MARK1: variants seen among roughly 807,000 people sequenced by gnomAD.
The protein encoded by MARK1 is microtubule affinity regulating kinase 1.
Under a neutral mutation model 96.3 loss-of-function variants are expected in MARK1, and 40 were observed. The observed-to-expected ratio is 0.42, with a 90% CI of 0.32 to 0.54. The LOEUF (loss-of-function observed/expected upper bound fraction) is 0.54, where lower values mean the gene tolerates loss of function less well. Among genes scored for constraint, MARK1 ranks in the 20% least tolerant of loss-of-function variants. MARK1 has a pLI of 0.16. For synonymous variants in MARK1, 317 were observed against 341.2 expected, an observed-to-expected ratio of 0.93 and a Z score of 0.78; for missense variants, 719 against 984.6, an observed-to-expected ratio of 0.73 and a Z score of 3.61.
chr1:220,553,575 C>T (rs80281359), intron 1 of MARK1, among the ~76,000 whole-genome samples: 2,359 of 152,264 alleles, frequency 0.015, 33 homozygotes, highest in Middle Eastern at 0.044. Flanking sequence ...ATACCATTTG[C>T]ATTTATAGTG....
intron 1 of MARK1, among the ~76,000 whole-genome samples, chr1:220,560,841 A>G (rs2102775500): frequency 6.6e-6 from 1 of 152,356 alleles, no homozygotes; most frequent in South Asian, 2.1e-4. Flanking sequence ...TAAGCTGGGA[A>G]TACTGTACTC....
intron 9 of MARK1, chr1:220,625,839 C>T: frequency 6.5e-6 from 3 of 463,384 alleles, no homozygotes; most frequent in Non-Finnish European, 1.3e-5. Context: ...GAAGCCTCAC[C>T]AAATCTACTA....
intron 1 of MARK1, among the ~76,000 whole-genome samples, chr1:220,556,123 A>G (rs1193273793): frequency 6.6e-6 from 1 of 152,156 alleles, no homozygotes; most frequent in Non-Finnish European, 1.5e-5. Flanking sequence ...TAGGGACAGG[A>G]AATACGGTAT....
chr1:220,648,200 T>C (rs1668688575), intron 13 of MARK1, among the ~76,000 whole-genome samples: 1 of 152,140 alleles, frequency 6.6e-6, no homozygotes, highest in African/African-American at 2.4e-5. Flanking sequence ...ATATAAAATA[T>C]CACTTTACTG....
At chr1:220,581,405 A>G (rs1037958599) in intron 3 of MARK1, among the ~76,000 whole-genome samples, 46 of 152,150 alleles carry the variant, frequency 3.0e-4, no homozygotes, top group Non-Finnish European at 2.9e-5. Context: ...TGAAATATTC[A>G]AATATTTTGA....
Position 220,594,980 on chromosome 1 carries a change from G to A in MARK1, c.310-3351G>A, listed in dbSNP as rs147149020. Among the ~76,000 whole-genome samples, 5 of 152,284 alleles carry A rather than the reference G, an allele frequency of 3.3e-5. No individual in the cohort carries two copies. The East Asian group carries it at 9.7e-4, about 29-fold the overall frequency. On this transcript the variant is annotated intron_variant, in intron 3 of 17. Transcript: ENST00000366917. ...CCCATAGAATGTATAGTAGTAGCAA[G>A]AGTGAACAGTAATGTAAATGTGAAC...
intron 1 of MARK1, among the ~76,000 whole-genome samples, chr1:220,566,437 C>A (rs1276832195): frequency 1.3e-5 from 2 of 152,182 alleles, no homozygotes; most frequent in African/African-American, 4.8e-5. Context: ...GGATCTCCAT[C>A]TGCAGACCAG....
At chr1:220,599,485 C>T (rs984062822) in intron 4 of MARK1, among the ~76,000 whole-genome samples, 4 of 151,958 alleles carry the variant, frequency 2.6e-5, no homozygotes, top group Non-Finnish European at 1.5e-5. Flanking sequence ...TTTTAAACTT[C>T]AGTTTAAATT....
chr1:220,554,382 G>A (rs1432361372), intron 1 of MARK1, among the ~76,000 whole-genome samples: 2 of 152,222 alleles, frequency 1.3e-5, no homozygotes, highest in African/African-American at 2.4e-5. Flanking sequence ...AATGTTTGGA[G>A]ACATTTTTGG....
chr1:220,581,182 A>AC, intron 3 of MARK1, 64 bp downstream of exon 3: 1 of 534,858 alleles, frequency 1.9e-6, no homozygotes. Flanking sequence ...ATGTTCTGTA[A>AC]AATCAGTCAT....
At chr1:220,543,926 A>T (rs1661314052) in intron 1 of MARK1, among the ~76,000 whole-genome samples, 1 of 152,186 alleles carries the variant, frequency 6.6e-6, no homozygotes, top group South Asian at 2.1e-4. Flanking sequence ...TGTGATGATG[A>T]TGATTACATT....
intron 3 of MARK1, among the ~76,000 whole-genome samples, chr1:220,586,011 A>ACACGCACGCACG (rs112968910): frequency 2.7e-5 from 4 of 148,536 alleles, no homozygotes; most frequent in African/African-American, 7.7e-5. Flanking sequence ...ACACACACAC[A>ACACGCACGCACG]CGCGCGCGTG....
intron 1 of MARK1, among the ~76,000 whole-genome samples, chr1:220,558,015 A>G (rs1662401321): frequency 6.6e-6 from 1 of 151,972 alleles, no homozygotes; most frequent in South Asian, 2.1e-4. Context: ...CTGTACTCCC[A>G]GCTGCTCAGG....
chr1:220,568,991 A>G (rs186731993), intron 1 of MARK1, among the ~76,000 whole-genome samples: 6 of 152,294 alleles, frequency 3.9e-5, no homozygotes, highest in East Asian at 1.9e-4. Context: ...CCTCCTATAC[A>G]TAGAATTTGT....
intron 6 of MARK1, among the ~76,000 whole-genome samples, chr1:220,607,971 G>A (rs1666187609): frequency 6.6e-6 from 1 of 152,156 alleles, no homozygotes; most frequent in Non-Finnish European, 1.5e-5. Context: ...TTTTATTGAG[G>A]ATTTTTGCAT....
intron 1 of MARK1, among the ~76,000 whole-genome samples, chr1:220,554,356 C>G (rs1459262630): frequency 1.3e-5 from 2 of 152,164 alleles, no homozygotes; most frequent in Non-Finnish European, 2.9e-5. Context: ...GTTTTACCTC[C>G]CAGGGCACAT....
At chr1:220,608,262 G>A (rs1056412193) in intron 6 of MARK1, among the ~76,000 whole-genome samples, 7 of 151,942 alleles carry the variant, frequency 4.6e-5, no homozygotes, top group African/African-American at 1.2e-4. Context: ...GAGATTCAAC[G>A]TACTCCTCGT....
rs1194142629 is a variant in MARK1, at chr1:220,663,038, A to T, written c.*872A>T. The T allele has an allele frequency of 1.3e-5, 2 of 152,636 alleles. No homozygotes were observed. The highest frequency in any genetic ancestry group is 2.9e-5 in the Non-Finnish European group (2 of 68,026). The allele number at this position is 152,636 out of a possible 1,614,324, so 9.5% of individuals were successfully genotyped here. ...CAGAATACCGCAATTTAATTGCGGG[A>T]ATATAATAATATTGGGACTGTTTCA... On this transcript the variant is annotated 3_prime_UTR_variant, in exon 18 of 18. Transcript: ENST00000366917.
chr1:220,642,359 G>A (rs747460239), intron 13 of MARK1, among the ~76,000 whole-genome samples: 2 of 152,238 alleles, frequency 1.3e-5, no homozygotes, highest in Non-Finnish European at 2.9e-5. Flanking sequence ...CAGCATAGCA[G>A]CTGTGGCAGA....
Sources: gnomAD v4.1 joint callset for allele counts (sites outside exome capture counted in the v4.1 genomes callset) on GRCh38, gnomAD v4.1.1 for gene constraint, MANE v1.5 for transcripts, NCBI Gene and HGNC (gene_info 2026-07-23, HGNC 2026-07-21) for gene names.